Variants in MTMR12 observed in about 807,000 individuals in gnomAD.
MTMR12 encodes the protein myotubularin-related protein 12.
A neutral mutation model predicts 96.7 loss-of-function variants in MTMR12; 33 were observed. The observed-to-expected ratio is 0.34, with a 90% confidence interval of 0.26 to 0.46. MTMR12 has a LOEUF of 0.46. MTMR12 is among the 20% of genes least tolerant of loss of function. MTMR12 has a pLI of 1.00. For missense variants in MTMR12, 721 were observed against 896.1 expected, an observed-to-expected ratio of 0.80 and a Z score of 2.49; for synonymous variants, 298 against 327.2, an observed-to-expected ratio of 0.91 and a Z score of 0.96.
intron 1 of MTMR12, among the ~76,000 whole-genome samples, chr5:32,309,468 C>A (rs917563442): frequency 6.6e-6 from 1 of 152,144 alleles, no homozygotes; most frequent in Non-Finnish European, 1.5e-5. Context: ...AACCATCTAT[C>A]TGACAGGGGA....
intron 1 of MTMR12, among the ~76,000 whole-genome samples, chr5:32,277,487 T>TC (rs991284633): frequency 1.3e-5 from 2 of 152,090 alleles, no homozygotes; most frequent in East Asian, 3.9e-4. Context: ...TAACTTGAGG[T>TC]CAGGAGTTCG....
intron 1 of MTMR12, among the ~76,000 whole-genome samples, chr5:32,292,757 G>C (rs1018521779): frequency 9.1e-5 from 11 of 121,218 alleles, no homozygotes; most frequent in Middle Eastern, 4.8e-3. Context: ...CACTCCACTA[G>C]GGAAAAAAAA....
intron 12 of MTMR12, among the ~76,000 whole-genome samples, chr5:32,240,281 C>T (rs1258611809): frequency 6.6e-6 from 1 of 151,990 alleles, no homozygotes; most frequent in Non-Finnish European, 1.5e-5. Flanking sequence ...CGCCTGTAAT[C>T]CCAGCTACTC....
intron 1 of MTMR12, among the ~76,000 whole-genome samples, chr5:32,282,175 G>A (rs889689825): frequency 6.6e-6 from 1 of 152,076 alleles, no homozygotes; most frequent in African/African-American, 2.4e-5. Context: ...GAGGTCAGGA[G>A]ATCGAGATCA....
chr5:32,261,114 T>C (rs1749346809), intron 7 of MTMR12, among the ~76,000 whole-genome samples: 1 of 151,450 alleles, frequency 6.6e-6, no homozygotes, highest in East Asian at 2.0e-4. Context: ...GCGCCTGTAA[T>C]CCCAGCTACT....
rs1224024936 is a variant in MTMR12 at position 32,228,586 on chromosome 5, TATGTG to T, written c.*1187_*1191del. The T allele has an allele frequency of 3.0e-4, 35 of 118,258 alleles. No homozygotes were observed. Among genetic ancestry groups the T allele is most frequent in the African/African-American group, 1.1e-3 (32 of 29,376 alleles). 7.3% of individuals were successfully genotyped at this position (118,258 alleles called of 1,614,324 possible). A position where few individuals can be genotyped will look rare whatever the true frequency, so the allele number is the denominator to read the frequency against. ...ATATATATCATATATATATCATATA[TATGTG>T]ATATATATATATATATCATATATAT... is the stretch of plus-strand genomic sequence containing the variant. On this transcript the variant is annotated 3_prime_UTR_variant, in exon 16 of 16. Coordinates refer to ENST00000382142, the MANE Select transcript of MTMR12 (RefSeq NM_001040446.3).
chr5:32,230,307 G>A lies in MTMR12; in HGVS notation c.1715C>T (p.Ser572Leu). Residue 572 changes from serine (S) to leucine (L), a missense_variant, in exon 16 of 16, where the codon TCA becomes TTA. Coordinates refer to ENST00000382142, the MANE Select transcript of MTMR12 (RefSeq NM_001040446.3). ...CCTGAAAAATCCTCTTTTGGGAGAT[G>A]ACTTAGATTGTGTAAGTGGCAAAGA... is the stretch of plus-strand genomic sequence containing the variant. The part of the protein sequence containing the change: ...QLSLPLTQSK[S>L]SPKRGFFREE... The A allele has an allele frequency of 6.2e-7, 1 of 1,609,734 alleles. No homozygotes were observed. The highest frequency in any genetic ancestry group is 8.5e-7 in the Non-Finnish European group (1 of 1,178,980).
chr5:32,254,195 T>C (rs1414837441), intron 8 of MTMR12, among the ~76,000 whole-genome samples: 4 of 152,244 alleles, frequency 2.6e-5, no homozygotes, highest in Non-Finnish European at 4.4e-5. Context: ...GTTTTCGAAG[T>C]GTAGTATACA....
At chr5:32,283,992 T>C (rs1433752595) in intron 1 of MTMR12, among the ~76,000 whole-genome samples, 1 of 152,126 alleles carries the variant, frequency 6.6e-6, no homozygotes, top group Non-Finnish European at 1.5e-5. Flanking sequence ...TGAGCAATTC[T>C]TGCTTCCTTT....
chr5:32,262,607 CAAACAAAAACAA>C (rs530902839), intron 7 of MTMR12, among the ~76,000 whole-genome samples: 5 of 152,002 alleles, frequency 3.3e-5, no homozygotes, highest in South Asian at 2.1e-4. Flanking sequence ...GACCCTGTCT[CAAACAAAAACAA>C]AAACAAAAAC....
intron 12 of MTMR12, among the ~76,000 whole-genome samples, chr5:32,240,598 T>C (rs1300976741): frequency 6.6e-6 from 1 of 152,076 alleles, no homozygotes; most frequent in African/African-American, 2.4e-5. Context: ...GCTATCAATT[T>C]TCAAAACAAG....
At chr5:32,285,187 G>A (rs954102737) in intron 1 of MTMR12, among the ~76,000 whole-genome samples, 10 of 151,950 alleles carry the variant, frequency 6.6e-5, no homozygotes, top group South Asian at 6.3e-4. Context: ...GTGAAACCCC[G>A]TCTCTACTAA....
chr5:32,293,388 C>G (rs1750812346), intron 1 of MTMR12, among the ~76,000 whole-genome samples: 1 of 152,164 alleles, frequency 6.6e-6, no homozygotes, highest in Non-Finnish European at 1.5e-5. Context: ...GGCCTATCCT[C>G]CCAGCCTACA....
At chr5:32,271,943 C>T (rs1561781237) in intron 3 of MTMR12, 38 bp from the exon 4 acceptor site, 1 of 1,243,182 alleles carries the variant, frequency 8.0e-7, no homozygotes, top group Non-Finnish European at 1.1e-6. Context: ...GACTCCTCTG[C>T]ATACTGTTAG....
chr5:32,239,164 G>A lies in MTMR12; in HGVS notation c.1181C>T (p.Ala394Val). 6.3e-7 allele frequency: 1 copy of A among 1,599,868 alleles called. No homozygotes were observed. The change falls in exon 13 of 16, where the codon GCA (alanine) becomes GTA (valine). Residue 394 changes from alanine to valine, a missense_variant. Physicochemically the swap from Ala to Val is moderately conservative, Grantham distance 64 (BLOSUM62 0). Coordinates refer to ENST00000382142, the MANE Select transcript of MTMR12 (RefSeq NM_001040446.3). Reference sequence around the variant, plus strand: ...GGAAATGAGACAGCAGAGGTCGGATGCATTCTCCTCTAGGAGAGGCCCCAG... The same window carrying A: ...GGAAATGAGACAGCAGAGGTCGGATACATTCTCCTCTAGGAGAGGCCCCAG... ...NMNVLLLEENASDLCCLISSL... is the reference protein window; with the variant it reads ...NMNVLLLEENVSDLCCLISSL...
intron 12 of MTMR12, among the ~76,000 whole-genome samples, chr5:32,240,762 G>A (rs1410788593): frequency 3.3e-5 from 5 of 152,030 alleles, no homozygotes; most frequent in Non-Finnish European, 5.9e-5. Flanking sequence ...GACCAAGCCC[G>A]ACTAATTTTT....
chr5:32,301,810 C>T (rs1366979766), intron 1 of MTMR12, among the ~76,000 whole-genome samples: 12 of 152,036 alleles, frequency 7.9e-5, no homozygotes, highest in Admixed American at 2.6e-4. Flanking sequence ...ACAAGAATCG[C>T]TTGAAACTGG....
chr5:32,290,413 CTTCTACCT>C (rs1278278333), intron 1 of MTMR12, among the ~76,000 whole-genome samples: 29 of 152,306 alleles, frequency 1.9e-4, no homozygotes, highest in African/African-American at 6.7e-4. Flanking sequence ...ATTTAGGGAA[CTTCTACCT>C]CAGTAAAATT....
intron 1 of MTMR12, among the ~76,000 whole-genome samples, chr5:32,297,557 T>G (rs1750976137): frequency 6.6e-6 from 1 of 152,038 alleles, no homozygotes; most frequent in Non-Finnish European, 1.5e-5. Context: ...TCAGGTTTTT[T>G]TTTTTTTTTT....
Sources: allele counts gnomAD v4.1 joint callset (sites outside exome capture counted in the v4.1 genomes callset), GRCh38; gene constraint gnomAD v4.1.1; transcripts MANE v1.5; gene names NCBI Gene and HGNC (gene_info 2026-07-23, HGNC 2026-07-21).